The following ASXL2 variants were observed in gnomAD, a reference collection of about 807,000 sequenced individuals.
ASXL2 encodes ASXL transcriptional regulator 2.
A neutral mutation model predicts 122.0 loss-of-function variants in ASXL2; 23 were observed. The ratio of observed to expected loss-of-function variants is 0.19; its 90% confidence interval spans 0.14 to 0.27. The LOEUF (loss-of-function observed/expected upper bound fraction) is 0.27, where lower values mean the gene tolerates loss of function less well. Ranked by LOEUF, ASXL2 falls within the 10% of genes least tolerant of loss-of-function variation. ASXL2 has a pLI of 1.00. For missense variants in ASXL2, 1,518 were observed against 1,713.8 expected (o/e 0.89, Z 2.02); for synonymous variants, 650 against 637.0 (o/e 1.02, Z -0.31).
intron 2 of ASXL2, among the ~76,000 whole-genome samples, chr2:25,841,426 T>A (rs1036473689): frequency 1.3e-5 from 2 of 152,170 alleles, no homozygotes; most frequent in African/African-American, 4.8e-5. Context: ...TTGTTATGCA[T>A]CATATGCTGA....
At chr2:25,840,335 C>T (rs2089566130) in intron 2 of ASXL2, among the ~76,000 whole-genome samples, 1 of 152,174 alleles carries the variant, frequency 6.6e-6, no homozygotes, top group Non-Finnish European at 1.5e-5. Context: ...TAGGAGCCAA[C>T]CACTTCTTTT....
intron 2 of ASXL2, among the ~76,000 whole-genome samples, chr2:25,843,223 A>C (rs1460849630): frequency 6.7e-6 from 1 of 150,230 alleles, no homozygotes; most frequent in Non-Finnish European, 1.5e-5. Flanking sequence ...AATGGGGTGA[A>C]CCTGGGAGGC....
chr2:25,840,979 T>C (rs1414079604), intron 2 of ASXL2, among the ~76,000 whole-genome samples: 4 of 152,228 alleles, frequency 2.6e-5, no homozygotes, highest in Admixed American at 6.5e-5. Flanking sequence ...TTTCATTCTG[T>C]AATCTTTCTA....
chr2:25,761,598 G>A lies in ASXL2; in HGVS notation c.776-1953C>T, dbSNP rs569837798. The stretch of plus-strand genomic sequence containing the variant: ...TGAGGCAGGAGAATGGCGTGAACCC[G>A]GGAGGCGGAGCTTGCAGTGAGCCGA... On this transcript the variant is annotated intron_variant, in intron 8 of 12. Coordinates refer to ENST00000435504, the MANE Select transcript of ASXL2 (RefSeq NM_018263.6). 4.9e-3 allele frequency among the ~76,000 whole-genome samples: 740 copies of A among 151,168 alleles called. 1 individual carries two copies. Among genetic ancestry groups the A allele is most frequent in the Non-Finnish European group, 7.7e-3 (524 of 67,770 alleles).
intron 1 of ASXL2, among the ~76,000 whole-genome samples, chr2:25,869,523 T>TA (rs372889906): frequency 2.0e-5 from 3 of 151,876 alleles, no homozygotes; most frequent in African/African-American, 7.3e-5. Context: ...TTGTCCACAA[T>TA]AAAAAAAGTA....
At chr2:25,849,670 T>C (rs1040448223) in intron 1 of ASXL2, among the ~76,000 whole-genome samples, 1 of 151,766 alleles carries the variant, frequency 6.6e-6, no homozygotes, top group Admixed American at 6.6e-5. Context: ...GAGACAGGGT[T>C]TTGCCATGTT....
intron 5 of ASXL2, among the ~76,000 whole-genome samples, chr2:25,789,200 T>C (rs2088793517): frequency 6.6e-6 from 1 of 152,054 alleles, no homozygotes; most frequent in Non-Finnish European, 1.5e-5. Context: ...TTTTTATTAA[T>C]GCTATGGGTT....
chr2:25,798,185 G>A (rs1308814401), intron 5 of ASXL2, among the ~76,000 whole-genome samples: 1 of 152,172 alleles, frequency 6.6e-6, no homozygotes, highest in Admixed American at 6.6e-5. Context: ...TGGTGTGGGG[G>A]AGGAGGGAGA....
In ASXL2 at chr2:25,820,850, T is replaced by G. The variant is rs142901454; in HGVS notation, c.144-14513A>C. 5.6e-3 allele frequency among the ~76,000 whole-genome samples: 853 copies of G among 152,034 alleles called. 5 individuals are homozygous for G. Among genetic ancestry groups the G allele is most frequent in the African/African-American group, 0.019 (791 of 41,460 alleles). The stretch of plus-strand genomic sequence containing the variant: ...CCAGCCTGGGAAACATATGGAGAAC[T>G]TGTCTCTACAAAAAATGTAAAAATT... On this transcript the variant is annotated intron_variant, in intron 3 of 12. Transcript: ENST00000435504.
chr2:25,842,790 GTGTATA>G lies in ASXL2; in HGVS notation c.140+2685_140+2690del, dbSNP rs201165468. On this transcript the variant is annotated intron_variant, in intron 2 of 12. Coordinates refer to ENST00000435504, the MANE Select transcript of ASXL2 (RefSeq NM_018263.6). ...TGCACGTGTGTGTGTGTGTGTGTGTGTGTATATATATATATATATATGTTTTTTTTG... is the reference window on the plus strand; with the variant it reads ...TGCACGTGTGTGTGTGTGTGTGTGTGTATATATATATATATGTTTTTTTTG... Among the ~76,000 whole-genome samples the G allele has an allele frequency of 3.3e-3, 367 of 112,652 alleles. 1 individual carries two copies. The highest frequency in any genetic ancestry group is 4.2e-3 in the African/African-American group (124 of 29,328). The allele number at this position is 112,652 out of a possible 152,430, so 73.9% of individuals were successfully genotyped here.
In ASXL2 at chr2:25,743,974, G is replaced by T. The variant is rs1169639642; in HGVS notation, c.2363C>A (p.Ala788Glu). ...GGCTGGTGATGGGACACTTGTGCAT[G>T]CTCCACTGACGGCAGGTGTTGGAGG... ...PVPPTPAVSG[A>E]CTSVPSPAHI... The change falls in exon 13 of 13, where the codon GCA becomes GAA. Residue 788 changes from alanine to glutamate, a missense_variant. By Grantham distance (107) the Ala-to-Glu change is moderately radical (BLOSUM62 -1). Coordinates refer to ENST00000435504, the MANE Select transcript of ASXL2 (RefSeq NM_018263.6). 1.2e-6 allele frequency: 2 copies of T among 1,614,012 alleles called. No individual in the cohort carries two copies. The highest frequency in any genetic ancestry group is 1.7e-6 in the Non-Finnish European group (2 of 1,179,888).
At chr2:25,876,434 G>A (rs770210689) in intron 1 of ASXL2, among the ~76,000 whole-genome samples, 2 of 152,106 alleles carry the variant, frequency 1.3e-5, no homozygotes, top group Non-Finnish European at 2.9e-5. Flanking sequence ...AGAGGCCAAC[G>A]GCAGGAGGAC....
intron 8 of ASXL2, among the ~76,000 whole-genome samples, chr2:25,760,705 T>C (rs1472359694): frequency 6.6e-6 from 1 of 152,198 alleles, no homozygotes; most frequent in East Asian, 1.9e-4. Flanking sequence ...TCCCACTGGA[T>C]TCCTACAAAT....
At position 25,742,333 on chromosome 2, in the gene ASXL2, G is replaced by A; in HGVS notation, c.4004C>T (p.Thr1335Ile). 6.2e-7 allele frequency: 1 copy of A among 1,611,608 alleles called. No homozygotes were observed. The highest frequency in any genetic ancestry group is 8.5e-7 in the Non-Finnish European group (1 of 1,178,858). ...PSYRGMINVS[T>I]SSDMDHNSAV... ...AGAGTTATGGTCCATGTCAGATGAGGTGGAGACATTGATCATGCCTCTATA... is the reference window on the plus strand; with the variant it reads ...AGAGTTATGGTCCATGTCAGATGAGATGGAGACATTGATCATGCCTCTATA... The change falls in exon 13 of 13, where the codon ACC becomes ATC. Residue 1335 changes from threonine (T) to isoleucine (I), a missense_variant. Transcript: ENST00000435504.
chr2:25,820,240 G>A (rs1004374547), intron 3 of ASXL2, among the ~76,000 whole-genome samples: 2 of 152,056 alleles, frequency 1.3e-5, no homozygotes, highest in Non-Finnish European at 2.9e-5. Context: ...AAAAGTGAAT[G>A]GGGCATTATG....
chr2:25,808,392 G>C (rs1275528530), intron 3 of ASXL2, among the ~76,000 whole-genome samples: 1 of 152,180 alleles, frequency 6.6e-6, no homozygotes, highest in African/African-American at 2.4e-5. Context: ...GAGTGCAATG[G>C]TGCAATCTTG....
chr2:25,806,386 G>C (rs2089082737), intron 3 of ASXL2, 49 bp from the exon 4 acceptor site: 2 of 1,274,612 alleles, frequency 1.6e-6, no homozygotes. Context: ...ATTAATTTCT[G>C]TCTCTGAATA....
Position 25,859,099 on chromosome 2 carries a change from G to A in ASXL2, c.58-13536C>T, listed in dbSNP as rs144390337. Among the ~76,000 whole-genome samples the A allele has an allele frequency of 4.0e-3, 613 of 152,002 alleles. 3 individuals carry two copies. The highest frequency in any genetic ancestry group is 0.014 in the African/African-American group (564 of 41,458). ...TGAAGCGCTGGGATTACAGGTGTGA[G>A]CCACCACGCCTGGCCTTTTCTTTTT... is the stretch of plus-strand genomic sequence containing the variant. On this transcript the variant is annotated intron_variant, in intron 1 of 12. Coordinates refer to ENST00000435504, the MANE Select transcript of ASXL2 (RefSeq NM_018263.6).
rs780470199 is a variant in ASXL2, at chr2:25,743,831, T to A, written c.2506A>T (p.Thr836Ser). ...SCRQEKAPSP[T>S]GPALISGASP... ...GCACCTGAGATTAGAGCAGGACCTG[T>A]TGGAGAAGGTGCTTTCTCCTGTCTG... The change falls in exon 13 of 13, where the codon ACA (threonine) becomes TCA (serine). Residue 836 changes from threonine (T) to serine (S), a missense_variant. Thr to Ser is a moderately conservative substitution (Grantham distance 58). Around this residue, in one of 8 missense-constraint regions of ASXL2, gnomAD observed 831 missense variants for 833.1 expected, o/e 1.00. Transcript: ENST00000435504. 3.1e-6 allele frequency: 5 copies of A among 1,613,930 alleles called. No homozygotes were observed. The highest frequency in any genetic ancestry group is 4.5e-5 in the East Asian group (2 of 44,900).
Sources: allele counts gnomAD v4.1 joint callset (sites outside exome capture counted in the v4.1 genomes callset), GRCh38; gene constraint gnomAD v4.1.1; regional missense constraint gnomAD v4.1.1; transcripts MANE v1.5; gene names NCBI Gene and HGNC (gene_info 2026-07-23, HGNC 2026-07-21).